Variants in ATF6 observed in about 807,000 individuals in gnomAD.
ATF6 encodes activating transcription factor 6.
A neutral mutation model predicts 83.6 loss-of-function variants in ATF6; 53 were observed. That is an observed-to-expected ratio of 0.63 (90% CI 0.51 to 0.80). ATF6 has a LOEUF of 0.80. Among genes scored for constraint, ATF6 ranks in the 30% least tolerant of loss-of-function variants. The pLI is 0.00. For synonymous variants in ATF6, 288 were observed against 285.8 expected (o/e 1.01, Z -0.08); for missense variants, 744 against 797.9 (o/e 0.93, Z 0.81).
intron 9 of ATF6, among the ~76,000 whole-genome samples, chr1:161,829,215 G>C (rs1480832836): frequency 4.8e-5 from 1 of 20,684 alleles, no homozygotes; most frequent in Non-Finnish European, 9.6e-5. Context: ...TTTTTTTTTT[G>C]GTGAGACGGA....
intron 6 of ATF6, among the ~76,000 whole-genome samples, chr1:161,800,303 A>C (rs542082732): frequency 6.6e-6 from 1 of 152,314 alleles, no homozygotes; most frequent in South Asian, 2.1e-4. Context: ...TTTATGTTTC[A>C]TGTATATCTC....
At chr1:161,788,675 T>C (rs1557960539) in intron 4 of ATF6, among the ~76,000 whole-genome samples, 1 of 152,146 alleles carries the variant, frequency 6.6e-6, no homozygotes, top group Non-Finnish European at 1.5e-5. Context: ...GGTTTACCTT[T>C]CACATTTAGG....
intron 9 of ATF6, among the ~76,000 whole-genome samples, chr1:161,833,755 G>C (rs908949290): frequency 8.5e-5 from 13 of 152,230 alleles, no homozygotes; most frequent in African/African-American, 2.9e-4. Flanking sequence ...ATGGGACTAT[G>C]TGAAAAGACC....
chr1:161,870,216 T>G (rs1687092959), intron 14 of ATF6, among the ~76,000 whole-genome samples: 1 of 151,824 alleles, frequency 6.6e-6, no homozygotes, highest in South Asian at 2.1e-4. Flanking sequence ...CTGATTATGT[T>G]TGTTTGTTAA....
intron 7 of ATF6, among the ~76,000 whole-genome samples, chr1:161,812,688 G>A (rs1027741399): frequency 3.3e-5 from 5 of 152,016 alleles, no homozygotes; most frequent in Non-Finnish European, 5.9e-5. Context: ...CACCGCGCCC[G>A]GCCAGGAGCA....
chr1:161,851,636 A>C (rs1686634162), intron 10 of ATF6, 86 bp from the exon 11 acceptor site: 1 of 837,210 alleles, frequency 1.2e-6, no homozygotes. Flanking sequence ...TTCCATGAAA[A>C]GTTAACACTA....
chr1:161,823,293 A>T (rs936009086), intron 9 of ATF6, among the ~76,000 whole-genome samples: 2 of 152,178 alleles, frequency 1.3e-5, no homozygotes, highest in Non-Finnish European at 2.9e-5. Context: ...ATTTAGTGAG[A>T]TACAGAAGAG....
intron 12 of ATF6, among the ~76,000 whole-genome samples, chr1:161,859,793 C>A (rs1433502853): frequency 6.6e-6 from 1 of 152,116 alleles, no homozygotes; most frequent in Non-Finnish European, 1.5e-5. Flanking sequence ...ATGAAGATCT[C>A]TGTGTTTAAC....
chr1:161,878,480 G>T (rs1002001532), intron 14 of ATF6, among the ~76,000 whole-genome samples: 15 of 152,032 alleles, frequency 9.9e-5, no homozygotes, highest in African/African-American at 3.4e-4. Flanking sequence ...AGAGTATATA[G>T]AGAGAGGAGG....
At chr1:161,819,867 G>A in intron 8 of ATF6, 49 bp downstream of exon 8, 1 of 1,438,724 alleles carries the variant, frequency 7.0e-7, no homozygotes, top group Non-Finnish European at 9.3e-7. Flanking sequence ...AGTATCCTCT[G>A]GATTAATAAA....
chr1:161,885,985 G>A (rs1558010449), intron 14 of ATF6, among the ~76,000 whole-genome samples: 2 of 152,178 alleles, frequency 1.3e-5, no homozygotes, highest in Admixed American at 6.5e-5. Context: ...ACAGCTTTAT[G>A]AGGTAGATAT....
At position 161,904,116 on chromosome 1, in the gene ATF6, T is replaced by C. The variant is rs1306489353; in HGVS notation, c.1720-8180T>C. On this transcript the variant is annotated intron_variant, in intron 14 of 15. Coordinates refer to ENST00000367942, the MANE Select transcript of ATF6 (RefSeq NM_007348.4). ...CTATGATTAAATGCTTTCTGAAAGA[T>C]ACATAGTTAGTACAGAACTTAATAC... 7.2e-5 allele frequency among the ~76,000 whole-genome samples: 11 copies of C among 152,216 alleles called. 1 individual carries two copies. Among genetic ancestry groups the C allele is most frequent in the African/African-American group, 2.4e-5 (1 of 41,470 alleles).
At chr1:161,840,621 T>C (rs902035375) in intron 9 of ATF6, among the ~76,000 whole-genome samples, 2 of 152,328 alleles carry the variant, frequency 1.3e-5, no homozygotes, top group South Asian at 4.1e-4. Flanking sequence ...TTAAGTGGCT[T>C]CATAAATAAT....
intron 7 of ATF6, among the ~76,000 whole-genome samples, chr1:161,816,967 G>A (rs532784150): frequency 4.0e-4 from 61 of 152,270 alleles, no homozygotes; most frequent in African/African-American, 1.3e-3. Context: ...GGTGATAGCC[G>A]TGGGTTTCAT....
rs917440137 is a variant in ATF6, at chr1:161,912,623, T to C, written c.1804+243T>C. ...TACAAAATTGGAAAAGCTAGCATCT[T>C]GACTGCTCTACAGACTTGCATCTGC... On this transcript the variant is annotated intron_variant, in intron 15 of 15. Transcript: ENST00000367942. Among the ~76,000 whole-genome samples, 3 of 152,322 alleles carry C rather than the reference T, an allele frequency of 2.0e-5. No individual in the cohort carries two copies. In the South Asian group the frequency reaches 6.2e-4, roughly 32 times the overall value.
intron 7 of ATF6, among the ~76,000 whole-genome samples, chr1:161,816,812 A>G (rs1685625347): frequency 6.6e-6 from 1 of 152,104 alleles, no homozygotes. Context: ...CCCCCCACTT[A>G]AAAAAATACC....
chr1:161,873,305 A>AT (rs1199336738), intron 14 of ATF6, among the ~76,000 whole-genome samples: 1 of 151,504 alleles, frequency 6.6e-6, no homozygotes, highest in Admixed American at 6.6e-5. Flanking sequence ...TGGTTTTATA[A>AT]TTTTTTCTCA....
chr1:161,952,154 A>G (rs147500444), intron 15 of ATF6, among the ~76,000 whole-genome samples: 73 of 152,168 alleles, frequency 4.8e-4, no homozygotes, highest in Admixed American at 9.8e-4. Context: ...GTAATACCCT[A>G]TGGCCCCAGG....
At chr1:161,914,183 C>T (rs149433519) in intron 15 of ATF6, among the ~76,000 whole-genome samples, 28 of 152,274 alleles carry the variant, frequency 1.8e-4, no homozygotes, top group African/African-American at 6.7e-4. Context: ...GTTTCAAGTA[C>T]CATGCTACAT....
Sources: allele counts gnomAD v4.1 joint callset (sites outside exome capture counted in the v4.1 genomes callset), GRCh38; gene constraint gnomAD v4.1.1; transcripts MANE v1.5; gene names NCBI Gene and HGNC (gene_info 2026-07-23, HGNC 2026-07-21).